RBL2: variants seen among roughly 807,000 people sequenced by gnomAD.
RBL2 encodes retinoblastoma-like protein 2.
In RBL2, 56 loss-of-function variants were observed where a neutral mutation model predicts 126.0. The ratio of observed to expected loss-of-function variants is 0.44; its 90% CI spans 0.36 to 0.56. The LOEUF (loss-of-function observed/expected upper bound fraction) is 0.56, where lower values mean the gene tolerates loss of function less well. Among genes scored for constraint, RBL2 ranks in the 20% least tolerant of loss-of-function variants. The pLI, the probability that RBL2 is intolerant of heterozygous loss-of-function variation, is 0.00. For missense variants in RBL2, 1,229 were observed against 1,398.2 expected (o/e 0.88, Z 1.93); for synonymous variants, 454 against 478.5 (o/e 0.95, Z 0.67).
intron 21 of RBL2, 115 bp from the exon 22 acceptor site, chr16:53,490,015 A>G: frequency 1.3e-6 from 1 of 742,324 alleles, no homozygotes; most frequent in African/African-American, 2.0e-5. Flanking sequence ...TTTTCTCTGT[A>G]GATGTGTTCA....
chr16:53,445,409 G>A (rs2058052703), intron 3 of RBL2, among the ~76,000 whole-genome samples: 1 of 151,148 alleles, frequency 6.6e-6, no homozygotes, highest in Admixed American at 6.6e-5. Context: ...AGCTCTTTCT[G>A]TTAACTATAG....
At chr16:53,457,363 G>A (rs901719659) in intron 8 of RBL2, among the ~76,000 whole-genome samples, 15 of 148,842 alleles carry the variant, frequency 1.0e-4, no homozygotes, top group Middle Eastern at 3.3e-3. Flanking sequence ...GGGTTCAAGC[G>A]ATTCTCCTGC....
intron 21 of RBL2, 86 bp downstream of exon 21, chr16:53,481,921 A>G: frequency 1.4e-6 from 2 of 1,407,926 alleles, no homozygotes; most frequent in Non-Finnish European, 2.0e-6. Flanking sequence ...TTAGGCACTC[A>G]TTAGAGTGAT....
At chr16:53,453,399 A>T (rs943398144) in intron 5 of RBL2, 53 bp from the exon 6 acceptor site, 7 of 1,497,948 alleles carry the variant, frequency 4.7e-6, no homozygotes, top group Admixed American at 3.6e-5. Flanking sequence ...AGTTTATTAC[A>T]AATTGGCTTA....
At chr16:53,458,914 A>G (rs772710912) in intron 8 of RBL2, among the ~76,000 whole-genome samples, 1 of 152,222 alleles carries the variant, frequency 6.6e-6, no homozygotes, top group Non-Finnish European at 1.5e-5. Context: ...GGGAAATACA[A>G]TTCAAGTTGA....
Position 53,442,843 on chromosome 16 carries a change from G to A in RBL2, c.557G>A (p.Arg186Gln), listed in dbSNP as rs762051003. The change falls in exon 3 of 22, where the codon CGA becomes CAA. Residue 186 changes from arginine to glutamine, a missense_variant. Around this residue, in one of 2 missense-constraint regions of RBL2, gnomAD observed 1,070 missense variants for 1,274.3 expected, o/e 0.84. Coordinates refer to ENST00000262133, the MANE Select transcript of RBL2 (RefSeq NM_005611.4). ...CAAGAGGAGCAACCTCGTCAGCAGC[G>A]AGGAAGGAAACAGCGGTAGGTTTTC... ...YPQEEQPRQQRGRKQRRQPCT... is the reference protein window; with the variant it reads ...YPQEEQPRQQQGRKQRRQPCT... The A allele has an allele frequency of 1.8e-5, 29 of 1,611,890 alleles. No individual in the cohort carries two copies. The highest frequency in any genetic ancestry group is 1.6e-4 in the Middle Eastern group (1 of 6,080).
chr16:53,485,453 G>T (rs1296433568), intron 21 of RBL2, among the ~76,000 whole-genome samples: 1 of 152,154 alleles, frequency 6.6e-6, no homozygotes, highest in Non-Finnish European at 1.5e-5. Context: ...AAGAAAAAAG[G>T]TCTCAAATTA....
In RBL2 at chr16:53,490,383, T is replaced by A; in HGVS notation, c.*83T>A. 1.5e-6 allele frequency: 2 copies of A among 1,309,434 alleles called. No homozygotes were observed. Among genetic ancestry groups the A allele is most frequent in the Non-Finnish European group, 2.1e-6 (2 of 966,128 alleles). 81.1% of individuals were successfully genotyped at this position (1,309,434 alleles called of 1,614,324 possible). On this transcript the variant is annotated 3_prime_UTR_variant, in exon 22 of 22. Coordinates refer to ENST00000262133, the MANE Select transcript of RBL2 (RefSeq NM_005611.4). ...ATCTAGATTATGGAGCTTTTTTCCTTAATCCAGCTGATGAGTTACAGCCTG... is the reference window on the plus strand; with the variant it reads ...ATCTAGATTATGGAGCTTTTTTCCTAAATCCAGCTGATGAGTTACAGCCTG...
In RBL2 at chr16:53,465,542, A is replaced by G. The variant is rs1224034422; in HGVS notation, c.1803A>G (p.Pro601=). The G allele has an allele frequency of 1.2e-6, 2 of 1,606,944 alleles. No homozygotes were observed. The highest frequency in any genetic ancestry group is 1.7e-6 in the Non-Finnish European group (2 of 1,177,180). ...EQILDHLAWK[P]ESPLWEKIRD... ...TCTTAGATCATTTGGCATGGAAACCAGAGTCTCCACTCTGGGAAAAAATTA... is the reference window on the plus strand; with the variant it reads ...TCTTAGATCATTTGGCATGGAAACCGGAGTCTCCACTCTGGGAAAAAATTA... The change falls in exon 13 of 22, where the codon CCA becomes CCG. Residue 601 remains proline, a synonymous_variant. Coordinates refer to ENST00000262133, the MANE Select transcript of RBL2 (RefSeq NM_005611.4).
rs77395902 is a variant in RBL2 at position 53,483,926 on chromosome 16, TAAAAAAA to T, written c.3249+2102_3249+2108del. 5.5e-4 allele frequency among the ~76,000 whole-genome samples: 72 copies of T among 131,002 alleles called. 1 individual carries two copies. The highest frequency in any genetic ancestry group is 1.6e-3 in the African/African-American group (53 of 33,912). The allele number at this position is 131,002 out of a possible 152,430, so 85.9% of individuals were successfully genotyped here. On this transcript the variant is annotated intron_variant, in intron 21 of 21. Transcript: ENST00000262133. ...AATGGAGACACTTTTCCTATCATAG[TAAAAAAA>T]AAAAAAAAAAGGTGTAAAGGTGTCA...
chr16:53,489,408 G>C (rs943375042), intron 21 of RBL2: 1 of 152,190 alleles, frequency 6.6e-6, no homozygotes, highest in African/African-American at 2.4e-5. Flanking sequence ...ACATGAAAAA[G>C]AATTTTAACC....
intron 17 of RBL2, among the ~76,000 whole-genome samples, chr16:53,477,057 T>TTGTGTG (rs36075761): frequency 0.025 from 3,764 of 151,040 alleles, 79 homozygotes; most frequent in East Asian, 0.12. Flanking sequence ...TGGTTTCATT[T>TTGTGTG]TGTGTGTGTG....
intron 14 of RBL2, among the ~76,000 whole-genome samples, chr16:53,468,465 C>T (rs1361815729): frequency 1.3e-5 from 2 of 152,156 alleles, no homozygotes; most frequent in Non-Finnish European, 2.9e-5. Flanking sequence ...AAAGATCTGA[C>T]AGCTGGTCTT....
At position 53,462,444 on chromosome 16, in the gene RBL2, G is replaced by T. The variant is rs986753164; in HGVS notation, c.1457-108G>T. ...ATCATAAGAAGTGTGCATATCTAAA[G>T]TATTGGGTTGGTTTTGAATTTTATT... On this transcript the variant is annotated intron_variant, in intron 10 of 21. Transcript: ENST00000262133. 6.5e-6 allele frequency: 4 copies of T among 616,512 alleles called. No individual in the cohort carries two copies. In the African/African-American group the frequency reaches 7.8e-5, roughly 12 times the overall value. 38.2% of individuals were successfully genotyped at this position (616,512 alleles called of 1,614,324 possible).
intron 21 of RBL2, 106 bp from the exon 22 acceptor site, chr16:53,490,024 C>G: frequency 1.2e-6 from 1 of 868,154 alleles, no homozygotes; most frequent in Non-Finnish European, 1.6e-6. Context: ...TAGATGTGTT[C>G]AAACTCTTCC....
Position 53,481,507 on chromosome 16 carries a change from G to A in RBL2, c.3085-164G>A, listed in dbSNP as rs1197270619. ...AACTGGCACAAACTAAGCACTTAAG[G>A]TTTGCTATTAGAATATTTTTCTTTA... On this transcript the variant is annotated intron_variant, in intron 20 of 21. Coordinates refer to ENST00000262133, the MANE Select transcript of RBL2 (RefSeq NM_005611.4). 3 of 629,918 alleles carry A rather than the reference G, an allele frequency of 4.8e-6. No homozygotes were observed. In the East Asian group the frequency reaches 8.9e-5, roughly 19 times the overall value. The allele number at this position is 629,918 out of a possible 1,614,324, so 39.0% of individuals were successfully genotyped here. A position where few individuals can be genotyped will look rare whatever the true frequency, so the allele number is the denominator to read the frequency against.
intron 1 of RBL2, among the ~76,000 whole-genome samples, chr16:53,437,895 T>C (rs2057974117): frequency 6.6e-6 from 1 of 151,946 alleles, no homozygotes; most frequent in African/African-American, 2.4e-5. Context: ...AGCGTGGTGG[T>C]GGGCACCTGT....
chr16:53,476,448 A>G (rs1044829645), intron 17 of RBL2, among the ~76,000 whole-genome samples: 1 of 152,206 alleles, frequency 6.6e-6, no homozygotes, highest in Admixed American at 6.5e-5. Flanking sequence ...ATTTGAGAAC[A>G]GTGTGTATTC....
At position 53,470,578 on chromosome 16, in the gene RBL2, G is replaced by A; in HGVS notation, c.2441G>A (p.Gly814Asp). ...GCCATTCAACAGATTTCCCCAGGTG[G>A]CCAACAGCAGAAGCAAGGCCAGTCT... The part of the protein sequence containing the change: ...QVAIQQISPG[G>D]QQQKQGQSVT... Residue 814 changes from glycine to aspartate, a missense_variant, in exon 16 of 22, where the codon GGC becomes GAC. Coordinates refer to ENST00000262133, the MANE Select transcript of RBL2 (RefSeq NM_005611.4). The A allele has an allele frequency of 6.2e-7, 1 of 1,614,158 alleles. No individual in the cohort carries two copies. The highest frequency in any genetic ancestry group is 8.5e-7 in the Non-Finnish European group (1 of 1,180,026).
Sources: allele counts gnomAD v4.1 joint callset (sites outside exome capture counted in the v4.1 genomes callset), GRCh38; gene constraint gnomAD v4.1.1; regional missense constraint gnomAD v4.1.1; transcripts MANE v1.5; gene names NCBI Gene and HGNC (gene_info 2026-07-23, HGNC 2026-07-21).